The following CROCC2 variants were observed in gnomAD, a reference collection of about 807,000 sequenced individuals.
CROCC2 encodes the protein ciliary rootlet coiled-coil protein 2.
Under a neutral mutation model 177.6 loss-of-function variants are expected in CROCC2, and 163 were observed. That is an observed-to-expected ratio of 0.92 (90% CI 0.81 to 1.05). The LOEUF is 1.05. CROCC2 is among the 50% of genes least tolerant of loss of function. CROCC2 has a pLI of 0.00. For missense variants in CROCC2, 1,929 were observed against 1,797.8 expected, an observed-to-expected ratio of 1.07 and a Z score of -1.32; for synonymous variants, 904 against 787.3, an observed-to-expected ratio of 1.15 and a Z score of -2.48.
chr2:240,983,415 C>G, intron 28 of CROCC2: 1 of 1,284,620 alleles, frequency 7.8e-7, no homozygotes, highest in African/African-American at 1.5e-5. Context: ...CGCCCAGCGT[C>G]TTCGGCCCAG....
intron 28 of CROCC2, among the ~76,000 whole-genome samples, chr2:240,986,383 G>C (rs1030677177): frequency 3.3e-5 from 5 of 151,834 alleles, no homozygotes; most frequent in Admixed American, 2.6e-4. Context: ...TGACCCCAGA[G>C]CCCCACACCC....
Position 240,935,483 on chromosome 2 carries a change from C to T in CROCC2, c.2064C>T (p.Gly688=), listed in dbSNP as rs2059462792. The change falls in exon 14 of 32, where the codon GGC becomes GGT. Residue 688 remains glycine (G), a synonymous_variant. Transcript: ENST00000690015. The part of the protein sequence containing the change: ...QLALERAERR[G]LQQACGRLEQ... ...CGCTGGAGCGGGCAGAGCGCAGGGGCCTGCAGCAGGCCTGCGGACGCCTGG... is the reference window on the plus strand; with the variant it reads ...CGCTGGAGCGGGCAGAGCGCAGGGGTCTGCAGCAGGCCTGCGGACGCCTGG... 7.4e-7 allele frequency: 1 copy of T among 1,354,816 alleles called. No individual in the cohort carries two copies. 83.9% of individuals were successfully genotyped at this position (1,354,816 alleles called of 1,614,324 possible). A position where few individuals can be genotyped will look rare whatever the true frequency, so the allele number is the denominator to read the frequency against.
chr2:240,925,996 A>T (rs1318466392), intron 5 of CROCC2, 116 bp downstream of exon 5: 1 of 601,226 alleles, frequency 1.7e-6, no homozygotes, highest in Non-Finnish European at 3.0e-6. Flanking sequence ...CCTCTTGGGG[A>T]CGAGGCCACA....
intron 21 of CROCC2, 28 bp from the exon 22 acceptor site, chr2:240,964,438 G>A: frequency 1.3e-6 from 2 of 1,548,192 alleles, no homozygotes; most frequent in South Asian, 2.4e-5. Context: ...GGAGGTGCGG[G>A]GGCCCCAGCC....
chr2:240,989,760 G>A lies in CROCC2; in HGVS notation c.4790G>A (p.Arg1597Gln), dbSNP rs904199250. The change falls in exon 30 of 32, where the codon CGG (arginine) becomes CAG (glutamine). Residue 1597 changes from arginine to glutamine, a missense_variant. By Grantham distance (43) the Arg-to-Gln change is conservative. Coordinates refer to ENST00000690015, the MANE Select transcript of CROCC2 (RefSeq NM_001351305.2). ...GAGGCAGAGCGTCTCCATGGGGCCCGGCCGCAGGCCACGCAGGCCCTGGAG... is the reference window on the plus strand; with the variant it reads ...GAGGCAGAGCGTCTCCATGGGGCCCAGCCGCAGGCCACGCAGGCCCTGGAG... ...ATEAERLHGA[R>Q]PQATQALESQ... 10 of 1,550,096 alleles carry A rather than the reference G, an allele frequency of 6.5e-6. No homozygotes were observed. The highest frequency in any genetic ancestry group is 2.7e-5 in the African/African-American group (2 of 73,068).
At chr2:240,985,642 CACTCCACACACACCCAG>C (rs1559192740) in intron 28 of CROCC2, among the ~76,000 whole-genome samples, 1 of 127,194 alleles carries the variant, frequency 7.9e-6, no homozygotes, top group Admixed American at 8.0e-5. Flanking sequence ...CCCAGGCACT[CACTCCACACACACCCAG>C]CACACACACC....
At chr2:240,963,863 G>A in intron 21 of CROCC2, 90 bp downstream of exon 21, 2 of 1,370,898 alleles carry the variant, frequency 1.5e-6, no homozygotes, top group Non-Finnish European at 2.0e-6. Flanking sequence ...GGGCTAGGCA[G>A]GGGCGTCCTG....
chr2:240,955,614 G>A (rs1487970141), intron 18 of CROCC2: 2 of 495,296 alleles, frequency 4.0e-6, no homozygotes, highest in South Asian at 3.2e-5. Context: ...TGCAGACACA[G>A]AGGTGGGACG....
At chr2:240,983,577 A>T in intron 28 of CROCC2, 2 of 1,280,358 alleles carry the variant, frequency 1.6e-6, no homozygotes, top group East Asian at 5.9e-5. Flanking sequence ...CAGCTCGCAC[A>T]GGTAGGCGGC....
Position 240,932,879 on chromosome 2 carries a change from G to A in CROCC2, c.1222G>A (p.Ala408Thr). 1 of 1,547,734 alleles carries A rather than the reference G, an allele frequency of 6.5e-7. No homozygotes were observed. The highest frequency in any genetic ancestry group is 1.2e-5 in the South Asian group (1 of 83,744). The part of the protein sequence containing the change: ...LDPALQAMRA[A>T]IERRWRREQE... ...CCCCGCACTGCAGGCCATGCGGGCA[G>A]CCATAGAGAGGCGGTGGCGGCGGGA... The change falls in exon 9 of 32, where the codon GCC becomes ACC. Residue 408 changes from alanine (A) to threonine (T), a missense_variant. Physicochemically the swap from Ala to Thr is moderately conservative, Grantham distance 58. Coordinates refer to ENST00000690015, the MANE Select transcript of CROCC2 (RefSeq NM_001351305.2).
chr2:240,983,408 C>T (rs1225166181), intron 28 of CROCC2: 18 of 1,285,462 alleles, frequency 1.4e-5, no homozygotes, highest in Non-Finnish European at 1.8e-5. Flanking sequence ...TGGCCCACGC[C>T]CAGCGTCTTC....
chr2:240,964,240 G>C, intron 21 of CROCC2: 3 of 595,904 alleles, frequency 5.0e-6, no homozygotes, highest in Non-Finnish European at 6.0e-6. Context: ...AGGTGAGGAG[G>C]GGCTGAAGAG....
In CROCC2 at chr2:240,914,473, A is replaced by G. The variant is rs140040230; in HGVS notation, c.79-4253A>G. Among the ~76,000 whole-genome samples, 626 of 152,290 alleles carry G rather than the reference A, an allele frequency of 4.1e-3. 7 individuals are homozygous for G. Among genetic ancestry groups the G allele is most frequent in the African/African-American group, 0.014 (600 of 41,564 alleles). ...GAGCACTGGTCCGAGATGCCGTCCAAACCCCCAGCCCCAGCCTCCGTTCTA... is the reference window on the plus strand; with the variant it reads ...GAGCACTGGTCCGAGATGCCGTCCAGACCCCCAGCCCCAGCCTCCGTTCTA... On this transcript the variant is annotated intron_variant, in intron 1 of 31. Transcript: ENST00000690015.
In CROCC2 at chr2:240,960,120, C is replaced by T. The variant is rs12477878; in HGVS notation, c.3087+676C>T. Among the ~76,000 whole-genome samples, 56,825 of 151,884 alleles carry T rather than the reference C, an allele frequency of 0.37. 11,648 individuals carry two copies. The highest frequency in any genetic ancestry group is 0.48 in the East Asian group (2,443 of 5,122). On this transcript the variant is annotated intron_variant, in intron 20 of 31. Coordinates refer to ENST00000690015, the MANE Select transcript of CROCC2 (RefSeq NM_001351305.2). The surrounding 1 kb of genome is among the most constrained non-coding windows in gnomAD (Gnocchi z 5.0). ...CGCCTCCCAAAGCCTTCCCGAGAGACAGGCATGACCTGGGGCGAAGGGGAA... is the reference window on the plus strand; with the variant it reads ...CGCCTCCCAAAGCCTTCCCGAGAGATAGGCATGACCTGGGGCGAAGGGGAA...
chr2:240,966,863 C>T (rs1559609257), intron 25 of CROCC2, among the ~76,000 whole-genome samples: 1 of 151,764 alleles, frequency 6.6e-6, no homozygotes. Flanking sequence ...TGGATGACTC[C>T]AGTGGGCAGG....
At chr2:240,912,501 C>T (rs1323732996) in intron 1 of CROCC2, among the ~76,000 whole-genome samples, 1 of 152,228 alleles carries the variant, frequency 6.6e-6, no homozygotes, top group Non-Finnish European at 1.5e-5. Flanking sequence ...ATAAAGGACA[C>T]AACTCAGGAC....
chr2:240,991,574 G>T (rs1197459776), intron 31 of CROCC2, among the ~76,000 whole-genome samples: 1 of 152,236 alleles, frequency 6.6e-6, no homozygotes, highest in Non-Finnish European at 1.5e-5. Context: ...CACCCCTGGA[G>T]ACTCAGCCTG....
intron 11 of CROCC2, 134 bp downstream of exon 11, chr2:240,933,986 G>A (rs1461209240): frequency 1.0e-6 from 1 of 978,484 alleles, no homozygotes; most frequent in Non-Finnish European, 1.5e-6. Flanking sequence ...GGCCCTAACA[G>A]GGCAGGGGCG....
Position 240,965,964 on chromosome 2 carries a change from C to T in CROCC2, c.3932C>T (p.Ser1311Phe). 4 of 1,384,024 alleles carry T rather than the reference C, an allele frequency of 2.9e-6. No homozygotes were observed. Among genetic ancestry groups the T allele is most frequent in the Non-Finnish European group, 2.8e-6 (3 of 1,075,522 alleles). The allele number at this position is 1,384,024 out of a possible 1,614,324, so 85.7% of individuals were successfully genotyped here. Residue 1311 changes from serine to phenylalanine, a missense_variant, in exon 24 of 32, where the codon TCC (serine) becomes TTC (phenylalanine). This residue lies in a region of CROCC2 where 144 missense variants were observed against 205.2 expected (regional missense o/e 0.70). Coordinates refer to ENST00000690015, the MANE Select transcript of CROCC2 (RefSeq NM_001351305.2). ...CTCCAGAGACAGAGCCCGTGGGCCT[C>T]CCCGGAGCAGCCTGGTTCCCCCACC... is the stretch of plus-strand genomic sequence containing the variant. ...LGLQRQSPWA[S>F]PEQPGSPTKG... is the part of the protein sequence containing the mutation.
Sources: allele counts gnomAD v4.1 joint callset (sites outside exome capture counted in the v4.1 genomes callset), GRCh38; gene constraint gnomAD v4.1.1; regional missense constraint gnomAD v4.1.1; non-coding constraint Gnocchi (gnomAD v3.1); transcripts MANE v1.5; gene names NCBI Gene and HGNC (gene_info 2026-07-23, HGNC 2026-07-21).